Variants in DEF8 observed in about 807,000 individuals in gnomAD.
DEF8 encodes the protein differentially expressed in FDCP 8 homolog.
DEF8 carries 38 observed loss-of-function variants against 59.1 expected under a neutral mutation model. The ratio of observed to expected loss-of-function variants is 0.64; its 90% CI spans 0.50 to 0.84. The LOEUF (loss-of-function observed/expected upper bound fraction) is 0.84. DEF8 is among the 40% of genes least tolerant of loss of function. DEF8 has a pLI of 0.00. For missense variants in DEF8, 557 were observed against 615.2 expected (o/e 0.91, Z 1.00); for synonymous variants, 265 against 250.1 (o/e 1.06, Z -0.56).
chr16:89,951,818 G>A (rs528022948), intron 2 of DEF8, among the ~76,000 whole-genome samples: 1 of 151,488 alleles, frequency 6.6e-6, no homozygotes, highest in African/African-American at 2.4e-5. Flanking sequence ...TTTCTCATAT[G>A]TATGTATACA....
At position 89,965,828 on chromosome 16, in the gene DEF8, G is replaced by T. The variant is rs760310382; in HGVS notation, c.1254-33G>T. 2.0e-6 allele frequency: 3 copies of T among 1,488,656 alleles called. No individual in the cohort carries two copies. The Admixed American group carries it at 5.2e-5, about 26-fold the overall frequency. 92.2% of individuals were successfully genotyped at this position (1,488,656 alleles called of 1,614,324 possible). A position where few individuals can be genotyped will look rare whatever the true frequency, so the allele number is the denominator to read the frequency against. On this transcript the variant is annotated intron_variant, in intron 12 of 12. Coordinates refer to ENST00000563594, the MANE Select transcript of DEF8 (RefSeq NM_001242818.2). Reference sequence around the variant, plus strand: ...GGGGGATTCAGTGCTGGAGTTTCCTGTGCAGAGAGCCCCGACCTCTTTCTG... The same window carrying T: ...GGGGGATTCAGTGCTGGAGTTTCCTTTGCAGAGAGCCCCGACCTCTTTCTG...
At position 89,964,327 on chromosome 16, in the gene DEF8, G is replaced by A; in HGVS notation, c.1143+17G>A. 6.4e-7 allele frequency: 1 copy of A among 1,570,578 alleles called. No individual in the cohort carries two copies. The highest frequency in any genetic ancestry group is 2.3e-5 in the East Asian group (1 of 43,344). On this transcript the variant is annotated intron_variant, in intron 11 of 12. Transcript: ENST00000563594. Reference sequence around the variant, plus strand: ...GACTGCGAGGTGGGCCTCTGCCCGAGGGCCGCTCTTCTCCAACCCCAGCCC... The same window carrying A: ...GACTGCGAGGTGGGCCTCTGCCCGAAGGCCGCTCTTCTCCAACCCCAGCCC...
chr16:89,960,161 G>A (rs993840288), intron 6 of DEF8, among the ~76,000 whole-genome samples: 2 of 152,144 alleles, frequency 1.3e-5, no homozygotes, highest in Non-Finnish European at 2.9e-5. Flanking sequence ...TAAGTGCAGT[G>A]GGGGCCACAA....
rs766034777 is a variant in DEF8 at position 89,962,030 on chromosome 16, C to T, written c.826C>T (p.Arg276Cys). Residue 276 changes from arginine (R) to cysteine (C), a missense_variant, in exon 9 of 13, where the codon CGC (arginine) becomes TGC (cysteine). Coordinates refer to ENST00000563594, the MANE Select transcript of DEF8 (RefSeq NM_001242818.2). ...EPRKVSRCSM[R>C]YLALMVSRPV... ...CTGGCAGGTTTCTCGCTGCAGCATG[C>T]GCTACCTGGCGCTGATGGTGTCTCG... is the stretch of plus-strand genomic sequence containing the variant. The T allele has an allele frequency of 3.1e-6, 5 of 1,614,032 alleles. No individual in the cohort carries two copies. The highest frequency in any genetic ancestry group is 4.2e-6 in the Non-Finnish European group (5 of 1,180,008).
chr16:89,950,371 A>G (rs2031788740), intron 2 of DEF8: 20 of 979,500 alleles, frequency 2.0e-5, no homozygotes, highest in Non-Finnish European at 2.4e-5. Flanking sequence ...ATGGAGAACC[A>G]GAGTCTAAAT....
intron 2 of DEF8, chr16:89,950,145 C>T: frequency 1.0e-6 from 1 of 987,300 alleles, no homozygotes; most frequent in Non-Finnish European, 1.2e-6. Flanking sequence ...TTCCTTGACG[C>T]TCCTCTGGCC....
At chr16:89,957,490 C>G in intron 4 of DEF8, 21 bp from the exon 5 acceptor site, 1 of 1,565,472 alleles carries the variant, frequency 6.4e-7, no homozygotes, top group Non-Finnish European at 8.7e-7. Flanking sequence ...CTTTGACTGC[C>G]CCCGCCCCCA....
chr16:89,959,214 C>T (rs2033689416), intron 6 of DEF8, 59 bp downstream of exon 6: 1 of 1,609,142 alleles, frequency 6.2e-7, no homozygotes, highest in South Asian at 1.1e-5. Flanking sequence ...CCTGCCTCCG[C>T]TGGGCTCACA....
chr16:89,963,008 C>T (rs545031896), intron 9 of DEF8, among the ~76,000 whole-genome samples: 6 of 152,370 alleles, frequency 3.9e-5, no homozygotes, highest in Non-Finnish European at 5.9e-5. Context: ...CCATTTTACC[C>T]GGGAGGAGAC....
chr16:89,964,776 T>C (rs929981067), intron 12 of DEF8, among the ~76,000 whole-genome samples: 2 of 152,036 alleles, frequency 1.3e-5, no homozygotes, highest in Non-Finnish European at 2.9e-5. Flanking sequence ...AATGAGAAGT[T>C]CCCTTAGGAG....
chr16:89,952,110 C>A (rs2032251974), intron 2 of DEF8, among the ~76,000 whole-genome samples: 1 of 152,182 alleles, frequency 6.6e-6, no homozygotes, highest in Admixed American at 6.5e-5. Flanking sequence ...ATCTCCTGAC[C>A]TGGTGATCCG....
intron 2 of DEF8, among the ~76,000 whole-genome samples, chr16:89,950,576 G>T (rs935605220): frequency 6.6e-6 from 1 of 152,130 alleles, no homozygotes; most frequent in Non-Finnish European, 1.5e-5. Context: ...TTTTAGTACA[G>T]ACGGGGTTTC....
intron 2 of DEF8, chr16:89,950,315 A>T: frequency 3.0e-6 from 3 of 985,302 alleles, no homozygotes; most frequent in Non-Finnish European, 3.6e-6. Context: ...TAGCCCTTCC[A>T]TCCACCCCAG....
rs746329813 is a variant in DEF8, at chr16:89,949,429, C to T, written c.-95C>T. On this transcript the variant is annotated 5_prime_UTR_variant, in exon 2 of 13. Coordinates refer to ENST00000563594, the MANE Select transcript of DEF8 (RefSeq NM_001242818.2). ...CTTCTCCCTGCAGCAGGTGCCGAAC[C>T]CACGGCCAGGCTTCCGTGGCCAGCA... 5 of 1,606,904 alleles carry T rather than the reference C, an allele frequency of 3.1e-6. No homozygotes were observed. Among genetic ancestry groups the T allele is most frequent in the Non-Finnish European group, 4.2e-6 (5 of 1,178,436 alleles).
chr16:89,965,926 C>A lies in DEF8; in HGVS notation c.1319C>A (p.Ser440Ter), dbSNP rs372503809. The A allele has an allele frequency of 1.9e-6, 3 of 1,613,608 alleles. No individual in the cohort carries two copies. The highest frequency in any genetic ancestry group is 1.1e-5 in the South Asian group (1 of 91,006). ...GCCCGGCTCAGCCTGAGGAAGCAGT[C>A]GCTCTTCCAGGAGCCAGGTCCCGAT... Reference protein sequence around the residue: ...KCARLSLRKQSLFQEPGPDVE... With the variant: ...KCARLSLRKQ The change falls in exon 13 of 13, where the codon TCG becomes TAG. Residue 440 changes from serine (S) to a stop codon, truncating the protein, a stop_gained. Coordinates refer to ENST00000563594, the MANE Select transcript of DEF8 (RefSeq NM_001242818.2). LOFTEE classifies it high-confidence loss of function.
chr16:89,959,272 A>G, intron 6 of DEF8, 117 bp downstream of exon 6: 1 of 1,542,648 alleles, frequency 6.5e-7, no homozygotes, highest in Non-Finnish European at 8.8e-7. Flanking sequence ...AAACATGGCC[A>G]GTCAAAGTTA....
intron 6 of DEF8, among the ~76,000 whole-genome samples, chr16:89,959,855 G>A (rs2033792268): frequency 6.6e-6 from 1 of 152,248 alleles, no homozygotes; most frequent in Non-Finnish European, 1.5e-5. Flanking sequence ...AAGACAATAT[G>A]TCTGGAGGAA....
At position 89,959,237 on chromosome 16, in the gene DEF8, C is replaced by G. The variant is rs767598989; in HGVS notation, c.514+82C>G. 13 of 1,595,210 alleles carry G rather than the reference C, an allele frequency of 8.1e-6. No individual in the cohort carries two copies. The East Asian group carries it at 2.7e-4, about 33-fold the overall frequency. On this transcript the variant is annotated intron_variant, in intron 6 of 12. Transcript: ENST00000563594. ...CGCTGGGCTCACATTCAGATGTGAG[C>G]TATCCAGTGTGGTGGCCACTAGCCA...
intron 6 of DEF8, chr16:89,959,386 A>G (rs2033718368): frequency 2.1e-6 from 3 of 1,410,012 alleles, no homozygotes; most frequent in South Asian, 3.1e-5. Flanking sequence ...TAGTTTGTAC[A>G]ATGAAGAAAA....
Sources: allele counts gnomAD v4.1 joint callset (sites outside exome capture counted in the v4.1 genomes callset), GRCh38; gene constraint gnomAD v4.1.1; transcripts MANE v1.5; gene names NCBI Gene and HGNC (gene_info 2026-07-23, HGNC 2026-07-21).